OMD: variants seen among roughly 807,000 people sequenced by gnomAD.
The protein encoded by OMD is KSPG osteomodulin.
In OMD, 19 loss-of-function variants were observed where a neutral mutation model predicts 31.2. The observed-to-expected ratio is 0.61, with a 90% confidence interval of 0.42 to 0.89. OMD has a LOEUF of 0.89. Among genes scored for constraint, OMD ranks in the 40% least tolerant of loss-of-function variants. The probability of loss-of-function intolerance (pLI) is 0.00; values close to 1 mark genes in which losing one functional copy is unlikely to be tolerated. For missense variants in OMD, 448 were observed against 490.8 expected (o/e 0.91, Z 0.82); for synonymous variants, 155 against 166.4 (o/e 0.93, Z 0.53).
rs1426806042 is a variant in OMD, at chr9:92,413,366, T to C, written c.*1786A>G. Among the ~76,000 whole-genome samples the C allele has an allele frequency of 6.6e-6, 1 of 152,186 alleles. No individual in the cohort carries two copies. Among genetic ancestry groups the C allele is most frequent in the East Asian group, 1.9e-4 (1 of 5,204 alleles). ...TATTTACACTCCTTCCAAAGGTGTATGAAGGCTCCAATTTTTCCACATCTT... is the reference window on the plus strand; with the variant it reads ...TATTTACACTCCTTCCAAAGGTGTACGAAGGCTCCAATTTTTCCACATCTT... On this transcript the variant is annotated 3_prime_UTR_variant, in exon 3 of 3. Coordinates refer to ENST00000375550, the MANE Select transcript of OMD (RefSeq NM_005014.3).
At chr9:92,422,807 A>T (rs1024675952) in intron 1 of OMD, among the ~76,000 whole-genome samples, 5 of 152,178 alleles carry the variant, frequency 3.3e-5, no homozygotes, top group African/African-American at 1.2e-4. Flanking sequence ...ATTTTATCCA[A>T]ATTTTTCATT....
In OMD at chr9:92,413,977, A is replaced by G. The variant is rs1056756361; in HGVS notation, c.*1175T>C. Among the ~76,000 whole-genome samples the G allele has an allele frequency of 6.6e-6, 1 of 152,310 alleles. No individual in the cohort carries two copies. The highest frequency in any genetic ancestry group is 1.9e-4 in the East Asian group (1 of 5,186). Reference sequence around the variant, plus strand: ...TGTCTGTCTGTTGCATATTGTCAGAATTGTTATCATTTGTATAGGCAGCCC... The same window carrying G: ...TGTCTGTCTGTTGCATATTGTCAGAGTTGTTATCATTTGTATAGGCAGCCC... On this transcript the variant is annotated 3_prime_UTR_variant, in exon 3 of 3. Coordinates refer to ENST00000375550, the MANE Select transcript of OMD (RefSeq NM_005014.3).
rs1262603994 is a variant in OMD at position 92,416,091 on chromosome 9, TTTA to T, written c.940+525_940+527del. On this transcript the variant is annotated intron_variant, in intron 2 of 2. Transcript: ENST00000375550. ...ATATATTTATTTATTTATTTATTTATTTATTTATTTTATTTTTTTTTTTTTTAA... is the reference window on the plus strand; with the variant it reads ...ATATATTTATTTATTTATTTATTTATTTTATTTTATTTTTTTTTTTTTTAA... Among the ~76,000 whole-genome samples, 460 of 143,090 alleles carry T rather than the reference TTTA, an allele frequency of 3.2e-3. 5 individuals carry two copies. The highest frequency in any genetic ancestry group is 5.9e-3 in the Non-Finnish European group (384 of 65,522). The allele number at this position is 143,090 out of a possible 152,430, so 93.9% of individuals were successfully genotyped here. A position where few individuals can be genotyped will look rare whatever the true frequency, so the allele number is the denominator to read the frequency against.
intron 1 of OMD, among the ~76,000 whole-genome samples, chr9:92,418,160 C>T (rs1843675620): frequency 6.6e-6 from 1 of 151,754 alleles, no homozygotes; most frequent in Non-Finnish European, 1.5e-5. Context: ...AGGCTTGGCT[C>T]ACTGCAGCCT....
At chr9:92,422,194 GC>G (rs1843825493) in intron 1 of OMD, among the ~76,000 whole-genome samples, 1 of 151,998 alleles carries the variant, frequency 6.6e-6, no homozygotes, top group Non-Finnish European at 1.5e-5. Context: ...GGGATTACAG[GC>G]GTGCACCACC....
rs959800326 is a variant in OMD, at chr9:92,414,913, G to A, written c.*239C>T. On this transcript the variant is annotated 3_prime_UTR_variant, in exon 3 of 3. Transcript: ENST00000375550. ...AAAAAGAGCATAAGAAACCATTAAC[G>A]TTTAATTTATGATTCCCACTTGTCA... 4.7e-5 allele frequency: 15 copies of A among 320,440 alleles called. No homozygotes were observed. Among genetic ancestry groups the A allele is most frequent in the African/African-American group, 2.6e-4 (12 of 46,894 alleles). 19.8% of individuals were successfully genotyped at this position (320,440 alleles called of 1,614,324 possible). A position where few individuals can be genotyped will look rare whatever the true frequency, so the allele number is the denominator to read the frequency against.
At chr9:92,419,018 G>T (rs538969660) in intron 1 of OMD, among the ~76,000 whole-genome samples, 60 of 152,080 alleles carry the variant, frequency 3.9e-4, no homozygotes, top group Admixed American at 1.1e-3. Context: ...TTGTCTCCCA[G>T]GTGTTTAAAG....
chr9:92,415,151 G>A lies in OMD; in HGVS notation c.*1C>T. The A allele has an allele frequency of 6.3e-7, 1 of 1,598,760 alleles. No individual in the cohort carries two copies. On this transcript the variant is annotated 3_prime_UTR_variant, in exon 3 of 3. Coordinates refer to ENST00000375550, the MANE Select transcript of OMD (RefSeq NM_005014.3). ...TAAGTGTATACCTATATAGTTTCTT[G>A]CTATTCTTGATTTTCATAATAATGA...
chr9:92,416,448 A>G (rs1843615489), intron 2 of OMD, among the ~76,000 whole-genome samples, 171 bp downstream of exon 2: 1 of 152,198 alleles, frequency 6.6e-6, no homozygotes, highest in Admixed American at 6.6e-5. Context: ...AAAAAGGACT[A>G]TAAACTGAAT....
chr9:92,414,876 AT>A lies in OMD; in HGVS notation c.*275del, dbSNP rs1441006407. ...ATACACTCACTTTCTTTAACATGATATTTCTATATTTAAAAAGAGCATAAGA... is the reference window on the plus strand; with the variant it reads ...ATACACTCACTTTCTTTAACATGATATTCTATATTTAAAAAGAGCATAAGA... On this transcript the variant is annotated 3_prime_UTR_variant, in exon 3 of 3. Coordinates refer to ENST00000375550, the MANE Select transcript of OMD (RefSeq NM_005014.3). The A allele has an allele frequency of 7.2e-6, 2 of 275,936 alleles. No homozygotes were observed. Among genetic ancestry groups the A allele is most frequent in the East Asian group, 5.7e-5 (1 of 17,536 alleles). 17.1% of individuals were successfully genotyped at this position (275,936 alleles called of 1,614,324 possible). A position where few individuals can be genotyped will look rare whatever the true frequency, so the allele number is the denominator to read the frequency against.
rs762509309 is a variant in OMD at position 92,417,146 on chromosome 9, G to A, written c.413C>T (p.Ala138Val). The change falls in exon 2 of 3, where the codon GCT becomes GTT. Residue 138 changes from alanine (A) to valine (V), a missense_variant. By Grantham distance (64) the Ala-to-Val change is moderately conservative (BLOSUM62 0). Coordinates refer to ENST00000375550, the MANE Select transcript of OMD (RefSeq NM_005014.3). ...KSQKIDYGVF[A>V]KLPNLLQLHL... ...AAGTTGTAGTAGATTTGGAAGCTTA[G>A]CAAACACACCATAATCAATCTTTTG... The A allele has an allele frequency of 1.2e-6, 2 of 1,613,748 alleles. No homozygotes were observed. The highest frequency in any genetic ancestry group is 1.7e-6 in the Non-Finnish European group (2 of 1,179,938).
At chr9:92,416,105 T>TC (rs1843602964) in intron 2 of OMD, among the ~76,000 whole-genome samples, 1 of 142,052 alleles carries the variant, frequency 7.0e-6, no homozygotes, top group East Asian at 2.0e-4. Flanking sequence ...TTTATTTTAT[T>TC]TTTTTTTTTT....
At chr9:92,416,029 A>T (rs1458807382) in intron 2 of OMD, among the ~76,000 whole-genome samples, 2 of 135,260 alleles carry the variant, frequency 1.5e-5, no homozygotes, top group African/African-American at 5.2e-5. Context: ...TATATTTTTT[A>T]TATATAAATA....
At chr9:92,416,058 G>GTGTGTGTGTATATATATATATATA (rs6151074) in intron 2 of OMD, among the ~76,000 whole-genome samples, 4 of 130,930 alleles carry the variant, frequency 3.1e-5, no homozygotes, top group East Asian at 2.2e-4. Context: ...ATATATGTGT[G>GTGTGTGTGTATATATATATATATA]TATATATATA....
At chr9:92,420,708 C>G (rs1843765095) in intron 1 of OMD, among the ~76,000 whole-genome samples, 1 of 151,460 alleles carries the variant, frequency 6.6e-6, no homozygotes, top group South Asian at 2.1e-4. Context: ...TATATGTATC[C>G]CTACCTACAA....
At chr9:92,420,466 C>T (rs576215367) in intron 1 of OMD, among the ~76,000 whole-genome samples, 7 of 152,292 alleles carry the variant, frequency 4.6e-5, no homozygotes, top group Admixed American at 3.9e-4. Context: ...TAAAGAAAAA[C>T]AGGAGCATGG....
rs949007899 is a variant in OMD, at chr9:92,415,886, CT to C, written c.941-410del. Among the ~76,000 whole-genome samples the C allele has an allele frequency of 1.4e-3, 189 of 134,006 alleles. 2 individuals are homozygous for C. The highest frequency in any genetic ancestry group is 0.013 in the South Asian group (54 of 4,262). 87.9% of individuals were successfully genotyped at this position (134,006 alleles called of 152,430 possible). A position where few individuals can be genotyped will look rare whatever the true frequency, so the allele number is the denominator to read the frequency against. On this transcript the variant is annotated intron_variant, in intron 2 of 2. Coordinates refer to ENST00000375550, the MANE Select transcript of OMD (RefSeq NM_005014.3). The stretch of plus-strand genomic sequence containing the variant: ...AAAATTATATATTTCTTCTTTTTTT[CT>C]TTTTTTTTTTCCTGTTGCAAGGAGA...
At chr9:92,421,706 G>A (rs896568976) in intron 1 of OMD, among the ~76,000 whole-genome samples, 6 of 152,224 alleles carry the variant, frequency 3.9e-5, no homozygotes, top group African/African-American at 1.4e-4. Context: ...CTAGTGATGA[G>A]GCACTATGCT....
At chr9:92,416,068 A>ATT (rs1554760092) in intron 2 of OMD, among the ~76,000 whole-genome samples, 70 of 136,998 alleles carry the variant, frequency 5.1e-4, no homozygotes, top group Middle Eastern at 3.8e-3. Context: ...GTATATATAT[A>ATT]TATTTATTTA....
Sources: gnomAD v4.1 joint callset for allele counts (sites outside exome capture counted in the v4.1 genomes callset) on GRCh38, gnomAD v4.1.1 for gene constraint, MANE v1.5 for transcripts, NCBI Gene and HGNC (gene_info 2026-07-23, HGNC 2026-07-21) for gene names.